The following CRIM1 variants were observed in gnomAD, a reference collection of about 807,000 sequenced individuals.
CRIM1 encodes the protein cysteine rich transmembrane BMP regulator 1, also known as cysteine-rich motor neuron 1 protein.
A neutral mutation model predicts 116.4 loss-of-function variants in CRIM1; 32 were observed. The observed-to-expected ratio is 0.27, with a 90% CI of 0.21 to 0.37. CRIM1 has a LOEUF of 0.37. Among genes scored for constraint, CRIM1 ranks in the 10% least tolerant of loss-of-function variants. CRIM1 has a pLI of 1.00. For missense variants in CRIM1, 1,331 were observed against 1,354.8 expected (o/e 0.98, Z 0.28); for synonymous variants, 590 against 509.2 (o/e 1.16, Z -2.13).
rs1390118086 is a variant in CRIM1, at chr2:36,548,831, T to G, written c.*130T>G. On this transcript the variant is annotated 3_prime_UTR_variant, in exon 17 of 17. Coordinates refer to ENST00000280527, the MANE Select transcript of CRIM1 (RefSeq NM_016441.3). ...TGACTTGATGTACAGCGCTAAGACC[T>G]TACTGGGATGGGCTCTGTCTACAGC... 1 of 673,004 alleles carries G rather than the reference T, an allele frequency of 1.5e-6. No homozygotes were observed. The highest frequency in any genetic ancestry group is 2.4e-6 in the Non-Finnish European group (1 of 413,076). The allele number at this position is 673,004 out of a possible 1,614,324, so 41.7% of individuals were successfully genotyped here. A position where few individuals can be genotyped will look rare whatever the true frequency, so the allele number is the denominator to read the frequency against.
At chr2:36,382,527 T>C (rs571875213) in intron 1 of CRIM1, among the ~76,000 whole-genome samples, 11 of 152,328 alleles carry the variant, frequency 7.2e-5, no homozygotes, top group African/African-American at 2.2e-4. Context: ...CACAAGACAT[T>C]ATATGAAGTC....
intron 7 of CRIM1, among the ~76,000 whole-genome samples, chr2:36,495,702 A>AT (rs1184995736): frequency 1.3e-5 from 2 of 152,094 alleles, no homozygotes; most frequent in Non-Finnish European, 1.5e-5. Flanking sequence ...GGAGCTAATT[A>AT]TTTAGCATAA....
At position 36,356,907 on chromosome 2, in the gene CRIM1, C is replaced by T. The variant is rs967311812; in HGVS notation, c.331+284C>T. On this transcript the variant is annotated intron_variant, in intron 1 of 16. Transcript: ENST00000280527. The surrounding 1 kb of genome is among the most constrained non-coding windows in gnomAD (Gnocchi z 4.3). ...CAGACGCGCACACGTGTGGCCGTTC[C>T]TGCTGGGACTGGGTGGCCCGGCCTT... Among the ~76,000 whole-genome samples, 2 of 152,112 alleles carry T rather than the reference C, an allele frequency of 1.3e-5. No homozygotes were observed. The highest frequency in any genetic ancestry group is 2.9e-5 in the Non-Finnish European group (2 of 68,008).
chr2:36,551,010 A>ATAGAT lies in CRIM1; in HGVS notation c.*2310_*2314dup, dbSNP rs1270763491. 1 of 152,646 alleles carries ATAGAT rather than the reference A, an allele frequency of 6.6e-6. No homozygotes were observed. The highest frequency in any genetic ancestry group is 1.5e-5 in the Non-Finnish European group (1 of 68,034). 9.5% of individuals were successfully genotyped at this position (152,646 alleles called of 1,614,324 possible). Reference sequence around the variant, plus strand: ...AAAATATAATTTCCTGAAGAATAAAATAGATATATGGCACTTGGAGTGCAT... The same window carrying ATAGAT: ...AAAATATAATTTCCTGAAGAATAAAATAGATTAGATATATGGCACTTGGAGTGCAT... On this transcript the variant is annotated 3_prime_UTR_variant, in exon 17 of 17. Transcript: ENST00000280527.
intron 6 of CRIM1, among the ~76,000 whole-genome samples, chr2:36,479,010 A>G (rs1679201337): frequency 6.6e-6 from 1 of 152,176 alleles, no homozygotes; most frequent in African/African-American, 2.4e-5. Flanking sequence ...CAGCAAGACC[A>G]CTGTTGCCCA....
intron 13 of CRIM1, among the ~76,000 whole-genome samples, chr2:36,534,207 A>G (rs1666327807): frequency 8.7e-6 from 1 of 115,256 alleles, no homozygotes; most frequent in Admixed American, 9.7e-5. Flanking sequence ...GGAGAAAAGG[A>G]TGGGAAAGAT....
At chr2:36,431,619 T>TATA (rs2124902487) in intron 2 of CRIM1, among the ~76,000 whole-genome samples, 1 of 152,330 alleles carries the variant, frequency 6.6e-6, no homozygotes, top group Non-Finnish European at 1.5e-5. Flanking sequence ...CTAAAAACTC[T>TATA]ATAGAGTGTT....
intron 2 of CRIM1, among the ~76,000 whole-genome samples, chr2:36,411,870 G>C (rs559017626): frequency 2.0e-5 from 3 of 152,086 alleles, no homozygotes; most frequent in Admixed American, 1.3e-4. Context: ...TTTGTAAATA[G>C]CTTATAGAGG....
chr2:36,464,703 G>C (rs756461633), intron 5 of CRIM1, 48 bp downstream of exon 5: 3 of 1,595,252 alleles, frequency 1.9e-6, no homozygotes, highest in Non-Finnish European at 2.6e-6. Flanking sequence ...TTGTGCAGAG[G>C]AGGAGGAGGG....
chr2:36,456,667 G>T (rs1677157327), intron 4 of CRIM1, among the ~76,000 whole-genome samples: 1 of 152,182 alleles, frequency 6.6e-6, no homozygotes, highest in Non-Finnish European at 1.5e-5. Flanking sequence ...ATATCGGATT[G>T]TTGAGCTGGA....
At chr2:36,416,481 C>G (rs1337770630) in intron 2 of CRIM1, among the ~76,000 whole-genome samples, 2 of 152,158 alleles carry the variant, frequency 1.3e-5, no homozygotes, top group Non-Finnish European at 2.9e-5. Context: ...CAGAAAGTAT[C>G]TGTAAGTATA....
At chr2:36,511,781 TG>T (rs774608639) in intron 9 of CRIM1, among the ~76,000 whole-genome samples, 31 of 142,882 alleles carry the variant, frequency 2.2e-4, no homozygotes, top group Non-Finnish European at 4.1e-4. Context: ...AGGCAGCAGT[TG>T]GTGCCCCTTT....
intron 1 of CRIM1, among the ~76,000 whole-genome samples, chr2:36,367,204 A>G (rs1234809906): frequency 3.9e-5 from 6 of 152,224 alleles, no homozygotes; most frequent in African/African-American, 7.2e-5. Flanking sequence ...CTGAGTTCCT[A>G]TATTTCAGGC....
At position 36,443,865 on chromosome 2, in the gene CRIM1, G is replaced by A. The variant is rs190882057; in HGVS notation, c.869+1130G>A. On this transcript the variant is annotated intron_variant, in intron 4 of 16. Coordinates refer to ENST00000280527, the MANE Select transcript of CRIM1 (RefSeq NM_016441.3). Reference sequence around the variant, plus strand: ...TTCTGTCAAACCTAGTATTCTCTAAGACATATCCTTTATACTGTATTATAA... The same window carrying A: ...TTCTGTCAAACCTAGTATTCTCTAAAACATATCCTTTATACTGTATTATAA... Among the ~76,000 whole-genome samples the A allele has an allele frequency of 7.2e-5, 11 of 152,258 alleles. No homozygotes were observed. In the East Asian group the frequency reaches 2.1e-3, roughly 29 times the overall value.
intron 5 of CRIM1, among the ~76,000 whole-genome samples, chr2:36,468,594 A>G (rs989907204): frequency 6.6e-6 from 1 of 152,176 alleles, no homozygotes; most frequent in Non-Finnish European, 1.5e-5. Context: ...TCACCTAGAA[A>G]TATGACCTCC....
At chr2:36,409,381 C>T (rs751342924) in intron 2 of CRIM1, among the ~76,000 whole-genome samples, 1 of 152,190 alleles carries the variant, frequency 6.6e-6, no homozygotes, top group Non-Finnish European at 1.5e-5. Flanking sequence ...AGCATCCCCA[C>T]ATTTTAATCT....
chr2:36,530,973 C>G (rs1466667274), intron 13 of CRIM1, among the ~76,000 whole-genome samples: 1 of 152,202 alleles, frequency 6.6e-6, no homozygotes, highest in Admixed American at 6.5e-5. Context: ...ATCCCCAACA[C>G]TTAGGATGAC....
intron 5 of CRIM1, among the ~76,000 whole-genome samples, chr2:36,471,762 A>G (rs59737759): frequency 0.072 from 4,013 of 55,404 alleles, 188 homozygotes; most frequent in African/African-American, 0.25. Context: ...CACACACACC[A>G]TCTTACAATG....
intron 4 of CRIM1, among the ~76,000 whole-genome samples, chr2:36,454,782 T>C (rs1390358740): frequency 2.0e-5 from 3 of 152,150 alleles, no homozygotes; most frequent in Non-Finnish European, 4.4e-5. Flanking sequence ...GAATGAGTAG[T>C]GATGCCCTGT....
Sources: allele counts gnomAD v4.1 joint callset (sites outside exome capture counted in the v4.1 genomes callset), GRCh38; gene constraint gnomAD v4.1.1; non-coding constraint Gnocchi (gnomAD v3.1); transcripts MANE v1.5; gene names NCBI Gene and HGNC (gene_info 2026-07-23, HGNC 2026-07-21).